UNC5D: variants seen among roughly 807,000 people sequenced by gnomAD.
UNC5D encodes the protein unc-5 netrin receptor D.
Under a neutral mutation model 105.4 loss-of-function variants are expected in UNC5D, and 39 were observed. That is an observed-to-expected ratio of 0.37 (90% CI 0.29 to 0.48). The LOEUF is 0.48. Ranked by LOEUF, UNC5D falls within the 20% of genes least tolerant of loss-of-function variation. The pLI is 0.98. For synonymous variants in UNC5D, 452 were observed against 450.4 expected (o/e 1.00, Z -0.04); for missense variants, 991 against 1,202.4 (o/e 0.82, Z 2.60).
At chr8:35,651,481 G>C (rs1465529462) in intron 4 of UNC5D, among the ~76,000 whole-genome samples, 1 of 152,192 alleles carries the variant, frequency 6.6e-6, no homozygotes, top group East Asian at 1.9e-4. Flanking sequence ...TGAATGGGTG[G>C]CCTGAGCCAG....
intron 3 of UNC5D, among the ~76,000 whole-genome samples, chr8:35,575,639 A>C (rs1168919820): frequency 6.6e-6 from 1 of 152,176 alleles, no homozygotes; most frequent in Admixed American, 6.5e-5. Flanking sequence ...ATGGCATGGA[A>C]CATAATATTA....
chr8:35,420,454 G>A (rs573156344), intron 1 of UNC5D, among the ~76,000 whole-genome samples: 4 of 152,202 alleles, frequency 2.6e-5, no homozygotes, highest in Admixed American at 1.3e-4. Context: ...TTGCCAATGC[G>A]GTACTCTGAA....
rs557956208 is a variant in UNC5D at position 35,257,235 on chromosome 8, T to A, written c.103+21348T>A. On this transcript the variant is annotated intron_variant, in intron 1 of 16. Transcript: ENST00000404895. ...CCACCTGCCTCGGCCTCCCAAAGTG[T>A]TGAGATTACAGGCGTCAGCCAACGC... Among the ~76,000 whole-genome samples, 4 of 152,240 alleles carry A rather than the reference T, an allele frequency of 2.6e-5. No homozygotes were observed. In the South Asian group the frequency reaches 6.2e-4, roughly 24 times the overall value.
intron 1 of UNC5D, among the ~76,000 whole-genome samples, chr8:35,496,197 G>A (rs537827588): frequency 3.3e-5 from 5 of 152,200 alleles, no homozygotes; most frequent in Non-Finnish European, 7.3e-5. Flanking sequence ...TGAGGTTGGG[G>A]TAGAAGAGGT....
chr8:35,488,912 T>C (rs760801233), intron 1 of UNC5D, among the ~76,000 whole-genome samples: 1 of 152,116 alleles, frequency 6.6e-6, no homozygotes, highest in Non-Finnish European at 1.5e-5. Context: ...TTTGGGTTAC[T>C]AAGTTGGAGA....
intron 1 of UNC5D, among the ~76,000 whole-genome samples, chr8:35,250,588 T>A (rs1010082873): frequency 5.2e-4 from 79 of 152,100 alleles, no homozygotes; most frequent in African/African-American, 1.9e-3. Flanking sequence ...TCCGCCTCCC[T>A]GGCTCAAGCA....
chr8:35,481,030 T>C lies in UNC5D; in HGVS notation c.104-68262T>C, dbSNP rs2129973316. Among the ~76,000 whole-genome samples, 2 of 152,316 alleles carry C rather than the reference T, an allele frequency of 1.3e-5. 1 individual carries two copies. The highest frequency in any genetic ancestry group is 4.1e-4 in the South Asian group (2 of 4,830). On this transcript the variant is annotated intron_variant, in intron 1 of 16. Coordinates refer to ENST00000404895, the MANE Select transcript of UNC5D (RefSeq NM_080872.4). ...GTTTGTGAACTGAGAACCTGAGATG[T>C]TAACAGGTTCCAGCAAAGTGTCTCT...
chr8:35,609,047 C>G (rs990881464), intron 4 of UNC5D, among the ~76,000 whole-genome samples: 6 of 152,132 alleles, frequency 3.9e-5, no homozygotes, highest in Non-Finnish European at 8.8e-5. Context: ...GTTGCCTTTT[C>G]TCCGCATCTT....
At chr8:35,429,902 GACAA>G (rs1489827072) in intron 1 of UNC5D, among the ~76,000 whole-genome samples, 4 of 152,080 alleles carry the variant, frequency 2.6e-5, no homozygotes, top group Non-Finnish European at 5.9e-5. Context: ...TTTTGCATTT[GACAA>G]ACAACTATAT....
chr8:35,746,180 G>C (rs1829997720), intron 11 of UNC5D, among the ~76,000 whole-genome samples: 1 of 152,160 alleles, frequency 6.6e-6, no homozygotes, highest in Non-Finnish European at 1.5e-5. Flanking sequence ...GTCACTGAGA[G>C]CAAGAGCCTG....
intron 1 of UNC5D, among the ~76,000 whole-genome samples, chr8:35,384,405 G>A (rs747836200): frequency 6.6e-6 from 1 of 152,086 alleles, no homozygotes; most frequent in African/African-American, 2.4e-5. Flanking sequence ...ATTCTAACAC[G>A]TCTGGTCCAG....
chr8:35,264,488 G>A (rs1004446137), intron 1 of UNC5D, among the ~76,000 whole-genome samples: 4 of 152,264 alleles, frequency 2.6e-5, no homozygotes, highest in African/African-American at 9.6e-5. Context: ...AGCACTTTGG[G>A]AGGCCGAGGT....
intron 1 of UNC5D, among the ~76,000 whole-genome samples, chr8:35,453,268 C>T (rs1489611462): frequency 6.6e-6 from 1 of 151,952 alleles, no homozygotes; most frequent in Non-Finnish European, 1.5e-5. Flanking sequence ...ATTTTTTTAG[C>T]CATGACCAGT....
intron 1 of UNC5D, among the ~76,000 whole-genome samples, chr8:35,425,132 A>G (rs965241904): frequency 1.3e-5 from 2 of 152,222 alleles, no homozygotes; most frequent in Non-Finnish European, 2.9e-5. Context: ...ACATGTATAC[A>G]TATGTAACAA....
chr8:35,276,715 T>C (rs773898277), intron 1 of UNC5D, among the ~76,000 whole-genome samples: 8 of 152,188 alleles, frequency 5.3e-5, no homozygotes, highest in Non-Finnish European at 1.2e-4. Context: ...CTCACTAGCC[T>C]CCATAGCAAC....
At position 35,381,302 on chromosome 8, in the gene UNC5D, A is replaced by G. The variant is rs539263425; in HGVS notation, c.103+145415A>G. 1.4e-4 allele frequency among the ~76,000 whole-genome samples: 21 copies of G among 152,270 alleles called. 1 individual carries two copies. The South Asian group carries it at 3.9e-3, about 29-fold the overall frequency. ...ACTTAAATTTTGCCTTTAGAGTCCA[A>G]ATAATTTATCTTGTTCTTTTTACCT... On this transcript the variant is annotated intron_variant, in intron 1 of 16. Coordinates refer to ENST00000404895, the MANE Select transcript of UNC5D (RefSeq NM_080872.4).
At chr8:35,427,077 C>A (rs1806302006) in intron 1 of UNC5D, among the ~76,000 whole-genome samples, 2 of 152,070 alleles carry the variant, frequency 1.3e-5, no homozygotes, top group Non-Finnish European at 2.9e-5. Flanking sequence ...CTGAATTGAC[C>A]AAACAGCTTT....
chr8:35,591,438 T>A (rs2130884493), intron 3 of UNC5D, among the ~76,000 whole-genome samples: 1 of 152,298 alleles, frequency 6.6e-6, no homozygotes, highest in Admixed American at 6.5e-5. Flanking sequence ...CTAAGATCTA[T>A]CTAGGGTTGT....
chr8:35,415,722 C>T (rs1266309607), intron 1 of UNC5D, among the ~76,000 whole-genome samples: 2 of 152,144 alleles, frequency 1.3e-5, no homozygotes, highest in Non-Finnish European at 2.9e-5. Flanking sequence ...TTTAGTTATA[C>T]CACTTTGAAC....
Sources: gnomAD v4.1 joint callset for allele counts (sites outside exome capture counted in the v4.1 genomes callset) on GRCh38, gnomAD v4.1.1 for gene constraint, MANE v1.5 for transcripts, NCBI Gene and HGNC (gene_info 2026-07-23, HGNC 2026-07-21) for gene names.